SEMA4G: variants seen among roughly 807,000 people sequenced by gnomAD.
SEMA4G encodes the protein semaphorin 4G, also known as semaphorin-4G.
A neutral mutation model predicts 81.2 loss-of-function variants in SEMA4G; 59 were observed. The observed-to-expected ratio is 0.73, with a 90% CI of 0.59 to 0.90. The LOEUF (loss-of-function observed/expected upper bound fraction) is 0.90, where lower values mean the gene tolerates loss of function less well. SEMA4G is among the 40% of genes least tolerant of loss of function. The pLI is 0.00. For missense variants in SEMA4G, 952 were observed against 1,102.3 expected, an observed-to-expected ratio of 0.86 and a Z score of 1.93; for synonymous variants, 404 against 433.9, an observed-to-expected ratio of 0.93 and a Z score of 0.86.
chr10:100,984,929 CAT>C, downstream of SEMA4G: 9 of 1,442,426 alleles, frequency 6.2e-6, no homozygotes, highest in African/African-American at 1.4e-5. Flanking sequence ...TCCCCATGCA[CAT>C]GTGGTAACAC....
upstream of SEMA4G, chr10:100,972,392 T>G (rs1253042908): frequency 6.5e-6 from 1 of 153,222 alleles, no homozygotes; most frequent in Admixed American, 6.5e-5. Flanking sequence ...ACAGAATGAT[T>G]GTGAGTCGAT....
exon 13 of SEMA4G, chr10:100,981,190 G>C (rs1325570015): frequency 1.9e-6 from 3 of 1,614,106 alleles, no homozygotes; most frequent in African/African-American, 2.7e-5. Context: ...ACAGGACATA[G>C]AGAGAGGAAA....
rs1209768877 is a variant in SEMA4G at position 100,980,820 on chromosome 10, A to C, written c.1468-2A>C. On this transcript the variant is annotated splice_acceptor_variant, in intron 11 of 13. Transcript: ENST00000370250. LOFTEE classifies it high-confidence loss of function. ...CGACCAACTGTCCTATCTGGCTCCC[A>C]GCACAGCCTCTATGTGGGGGCTCCT... is the stretch of plus-strand genomic sequence containing the variant. 1 of 1,565,816 alleles carries C rather than the reference A, an allele frequency of 6.4e-7. No homozygotes were observed.
rs767343866 is a variant in SEMA4G, at chr10:100,980,970, C to T, written c.1616C>T (p.Thr539Ile). ...ACCCATGCCTGCGCAGCAGCCACCACCATAGCCAACAGGTCCCAGGGAAGC... is the reference window on the plus strand; with the variant it reads ...ACCCATGCCTGCGCAGCAGCCACCATCATAGCCAACAGGTCCCAGGGAAGC... The change falls in exon 12 of 14, where the codon ACC becomes ATC. Residue 539 changes from threonine (T) to isoleucine (I), a missense_variant. Around this residue, in one of 3 missense-constraint regions of SEMA4G, gnomAD observed 385 missense variants for 413.5 expected, o/e 0.93. Coordinates refer to ENST00000370250, the Ensembl canonical transcript of SEMA4G. 15 of 1,602,778 alleles carry T rather than the reference C, an allele frequency of 9.4e-6. 1 individual carries two copies. In the South Asian group the frequency reaches 1.3e-4, roughly 14 times the overall value.
chr10:100,980,947 C>T, exon 12 of SEMA4G: 5 of 1,609,320 alleles, frequency 3.1e-6, no homozygotes, highest in Non-Finnish European at 4.2e-6. Context: ...ACCCTGGCAC[C>T]CATGCCTGCG....
downstream of SEMA4G, chr10:100,984,937 AAC>A: frequency 7.0e-7 from 1 of 1,436,690 alleles, no homozygotes; most frequent in Non-Finnish European, 9.1e-7. Flanking sequence ...CACATGTGGT[AAC>A]ACACACCTGT....
chr10:100,973,560 C>T lies in SEMA4G; in HGVS notation c.287C>T (p.Ala96Val). Residue 96 changes from alanine to valine, a missense_variant, in exon 3 of 14, where the codon GCC (alanine) becomes GTC (valine). Physicochemically the swap from Ala to Val is moderately conservative, Grantham distance 64. Coordinates refer to ENST00000370250, the Ensembl canonical transcript of SEMA4G. This position sits in a 1 kb window ranked among gnomAD's most constrained non-coding sequence, Gnocchi z 5.5. ...TGCCTCCACTAGATCCACTGGGAAGCCTCCCCAGAGATGCAAAGCAAATGT... is the reference window on the plus strand; with the variant it reads ...TGCCTCCACTAGATCCACTGGGAAGTCTCCCCAGAGATGCAAAGCAAATGT... 1.2e-6 allele frequency: 2 copies of T among 1,614,078 alleles called. No homozygotes were observed. The highest frequency in any genetic ancestry group is 1.7e-6 in the Non-Finnish European group (2 of 1,179,972).
intron 4 of SEMA4G, chr10:100,978,083 G>A: frequency 1.7e-6 from 1 of 585,058 alleles, no homozygotes; most frequent in East Asian, 2.8e-5. Context: ...TCTCTAGGTT[G>A]GCCACTTGCA....
chr10:100,980,413 T>C, intron 10 of SEMA4G, 69 bp downstream of exon 11: 1 of 1,492,490 alleles, frequency 6.7e-7, no homozygotes, highest in Non-Finnish European at 9.3e-7. Context: ...CATTAATTCC[T>C]GCCATGACTA....
In SEMA4G at chr10:100,977,726, C is replaced by CCA. The variant is rs764948073; in HGVS notation, c.432_433dup (p.Ile145ThrfsTer60). 2.5e-6 allele frequency: 4 copies of CCA among 1,612,010 alleles called. No homozygotes were observed. The highest frequency in any genetic ancestry group is 3.4e-6 in the Non-Finnish European group (4 of 1,178,102). ...CACGCCTTCCAGCCCCTCTGTGCAG[C>CCA]CATTGTGAGTATACCTGTGTTGTGC... On this transcript the variant is annotated frameshift_variant, in exon 4 of 14. Coordinates refer to ENST00000370250, the Ensembl canonical transcript of SEMA4G. LOFTEE classifies it high-confidence loss of function.
chr10:100,983,789 G>C (rs1354773723), exon 14 of SEMA4G: 1 of 1,607,118 alleles, frequency 6.2e-7, no homozygotes, highest in Non-Finnish European at 8.5e-7. Context: ...GATCTGCGGT[G>C]CAACTGCAGA....
Position 100,983,607 on chromosome 10 carries a change from C to G in SEMA4G, c.1993C>G (p.Pro665Ala). 3.1e-6 allele frequency: 5 copies of G among 1,614,134 alleles called. No homozygotes were observed. In the East Asian group the frequency reaches 8.9e-5, roughly 29 times the overall value. The change falls in exon 14 of 14, where the codon CCT becomes GCT. Residue 665 changes from proline to alanine, a missense_variant. By Grantham distance (27) the Pro-to-Ala change is conservative. This residue lies in a region of SEMA4G where 385 missense variants were observed against 413.5 expected (regional missense o/e 0.93). Coordinates refer to ENST00000370250, the Ensembl canonical transcript of SEMA4G. ...CCCAGCTCCAAAAGCCCCTGCCACA[C>G]CTGGGGCACAGCTGGCACCTGATGT... is the stretch of plus-strand genomic sequence containing the variant.
upstream of SEMA4G, chr10:100,970,038 G>A (rs1564790715): frequency 8.1e-5 from 31 of 383,986 alleles, no homozygotes; most frequent in South Asian, 5.3e-4. Flanking sequence ...TAGGCAGAGG[G>A]AAATACCGCC....
intron 4 of SEMA4G, 34 bp from the exon 6 acceptor site, chr10:100,978,261 C>T (rs376649356): frequency 3.6e-5 from 56 of 1,540,164 alleles, no homozygotes; most frequent in East Asian, 1.1e-4. Flanking sequence ...TGCCTGTCTT[C>T]GGAACCACTT....
chr10:100,981,850 G>T (rs1225693782), intron 13 of SEMA4G, among the ~76,000 whole-genome samples: 1 of 152,032 alleles, frequency 6.6e-6, no homozygotes, highest in Non-Finnish European at 1.5e-5. Context: ...TTGAGCTCAG[G>T]AATTGGAGAC....
chr10:100,977,610 C>T lies in SEMA4G; in HGVS notation c.337-22C>T, dbSNP rs1427312985. The T allele has an allele frequency of 3.1e-6, 5 of 1,601,990 alleles. No individual in the cohort carries two copies. In the South Asian group the frequency reaches 3.3e-5, roughly 11 times the overall value. Reference sequence around the variant, plus strand: ...TTCTAGTCAGGCAGGGGGCTCACAGCCCTCTCCACCTCATCCCACAGACGG... The same window carrying T: ...TTCTAGTCAGGCAGGGGGCTCACAGTCCTCTCCACCTCATCCCACAGACGG... On this transcript the variant is annotated intron_variant, in intron 3 of 13. Transcript: ENST00000370250.
At chr10:100,979,041 C>T (rs757892779) in intron 7 of SEMA4G, 23 bp downstream of exon 8, 4 of 1,613,248 alleles carry the variant, frequency 2.5e-6, no homozygotes, top group South Asian at 1.1e-5. Flanking sequence ...GACGTTGGGG[C>T]ACGGGTATAG....
At chr10:100,980,260 C>A (rs759518723) in exon 10 of SEMA4G, 2 of 1,614,234 alleles carry the variant, frequency 1.2e-6, no homozygotes, top group Non-Finnish European at 1.7e-6. Flanking sequence ...GCTGCTCAAG[C>A]GCAACATACG....
At chr10:100,977,273 A>T (rs1850840606) in intron 3 of SEMA4G, among the ~76,000 whole-genome samples, 1 of 152,196 alleles carries the variant, frequency 6.6e-6, no homozygotes, top group Admixed American at 6.5e-5. Context: ...CAGGAGTTCC[A>T]AGAATAGAAA....
Sources: gnomAD v4.1 joint callset for allele counts (sites outside exome capture counted in the v4.1 genomes callset) on GRCh38, gnomAD v4.1.1 for gene constraint, gnomAD v4.1.1 regional missense constraint, Gnocchi (gnomAD v3.1) non-coding constraint, MANE v1.5 for transcripts, NCBI Gene and HGNC (gene_info 2026-07-23, HGNC 2026-07-21) for gene names.